The following SYCP1 variants were observed in gnomAD, a reference collection of about 807,000 sequenced individuals.
SYCP1 encodes the protein cancer/testis antigen 8.
Under a neutral mutation model 153.1 loss-of-function variants are expected in SYCP1, and 64 were observed. The ratio of observed to expected loss-of-function variants is 0.42; its 90% CI spans 0.34 to 0.51. The LOEUF is 0.51. Among genes scored for constraint, SYCP1 ranks in the 20% least tolerant of loss-of-function variants. SYCP1 has a pLI of 0.06. For missense variants in SYCP1, 997 were observed against 1,049.0 expected (o/e 0.95, Z 0.68); for synonymous variants, 384 against 341.8 (o/e 1.12, Z -1.36).
intron 2 of SYCP1, 132 bp from the exon 3 acceptor site, chr1:114,856,441 G>A (rs1412392629): frequency 9.6e-6 from 5 of 521,254 alleles, no homozygotes; most frequent in African/African-American, 3.9e-5. Flanking sequence ...TTTAAACACT[G>A]TATGTACATT....
chr1:114,895,609 A>T (rs1471421286), intron 16 of SYCP1, 100 bp downstream of exon 16: 25 of 574,234 alleles, frequency 4.4e-5, no homozygotes, highest in Non-Finnish European at 5.9e-5. Context: ...TTTTATACTA[A>T]TTTTTTCAGC....
At chr1:114,863,923 G>A (rs999999828) in intron 8 of SYCP1, among the ~76,000 whole-genome samples, 3 of 150,416 alleles carry the variant, frequency 2.0e-5, no homozygotes, top group South Asian at 2.1e-4. Flanking sequence ...GTTGAACAAT[G>A]CGAACACATG....
intron 15 of SYCP1, 21 bp downstream of exon 15, chr1:114,887,714 TG>T: frequency 7.1e-7 from 1 of 1,415,896 alleles, no homozygotes; most frequent in Non-Finnish European, 9.5e-7. Context: ...GAGAATAATG[TG>T]TGTACTTTAA....
intron 8 of SYCP1, among the ~76,000 whole-genome samples, chr1:114,862,372 C>T (rs1408405996): frequency 2.7e-5 from 4 of 145,640 alleles, no homozygotes; most frequent in African/African-American, 2.5e-5. Flanking sequence ...TTTTTTTAGA[C>T]GAAGTCTAAC....
intron 20 of SYCP1, among the ~76,000 whole-genome samples, chr1:114,916,083 T>C (rs1476118320): frequency 6.6e-6 from 1 of 152,206 alleles, no homozygotes; most frequent in African/African-American, 2.4e-5. Flanking sequence ...ACCCACTCTA[T>C]ATTTTAAAGA....
chr1:114,947,904 A>G (rs1353746186), intron 27 of SYCP1, among the ~76,000 whole-genome samples: 1 of 145,608 alleles, frequency 6.9e-6, no homozygotes, highest in African/African-American at 2.5e-5. Context: ...TCCTTCTAGC[A>G]TGTTTCCTTT....
chr1:114,970,076 A>T (rs754034674), intron 27 of SYCP1, among the ~76,000 whole-genome samples: 7 of 152,116 alleles, frequency 4.6e-5, no homozygotes, highest in Non-Finnish European at 4.4e-5. Context: ...TGCAGACCAG[A>T]TCTGTTCTAT....
intron 12 of SYCP1, among the ~76,000 whole-genome samples, chr1:114,883,042 C>T (rs1666063103): frequency 6.6e-6 from 1 of 152,194 alleles, no homozygotes; most frequent in Non-Finnish European, 1.5e-5. Context: ...TGCAAATGCC[C>T]TCTGGGCACA....
chr1:114,885,405 T>C, intron 12 of SYCP1, 130 bp from the exon 13 acceptor site: 2 of 538,288 alleles, frequency 3.7e-6, no homozygotes, highest in Non-Finnish European at 6.6e-6. Context: ...TGTGTCTATA[T>C]TTGCATATTT....
chr1:114,873,164 T>C lies in SYCP1; in HGVS notation c.599-1342T>C. On this transcript the variant is annotated intron_variant, in intron 8 of 31. Transcript: ENST00000369522. ...CTTAACTGTATCAGAGTCTGGTTCT[T>C]ATGCTTGTCTTGTCAAAGTGTATTT... Among the ~76,000 whole-genome samples, 3 of 152,330 alleles carry C rather than the reference T, an allele frequency of 2.0e-5. No individual in the cohort carries two copies. The Middle Eastern group carries it at 0.01, about 518-fold the overall frequency.
chr1:114,875,174 A>ATGTGTG (rs60673306), intron 9 of SYCP1, among the ~76,000 whole-genome samples: 20 of 139,646 alleles, frequency 1.4e-4, no homozygotes, highest in Admixed American at 3.6e-4. Context: ...TGTATTTGAT[A>ATGTGTG]TGTGTGTGTG....
intron 23 of SYCP1, among the ~76,000 whole-genome samples, chr1:114,933,985 C>T (rs1048566889): frequency 1.3e-5 from 2 of 152,214 alleles, no homozygotes; most frequent in African/African-American, 4.8e-5. Flanking sequence ...GGAAAACACT[C>T]TGCAGGATAT....
intron 27 of SYCP1, among the ~76,000 whole-genome samples, chr1:114,970,725 T>G (rs1301670436): frequency 6.6e-6 from 1 of 152,078 alleles, no homozygotes; most frequent in Non-Finnish European, 1.5e-5. Flanking sequence ...TTTAGGCTGG[T>G]AGTGGGGAGT....
At chr1:114,985,925 AT>A (rs1349529623) in intron 30 of SYCP1, among the ~76,000 whole-genome samples, 18 of 151,636 alleles carry the variant, frequency 1.2e-4, no homozygotes, top group Admixed American at 4.6e-4. Flanking sequence ...AAAAAAAAAA[AT>A]AAATAACAAT....
chr1:114,983,608 G>A (rs1209416047), intron 29 of SYCP1, among the ~76,000 whole-genome samples: 3 of 151,932 alleles, frequency 2.0e-5, no homozygotes, highest in Non-Finnish European at 4.4e-5. Flanking sequence ...GGCTGCCCCA[G>A]GAACGTGGGC....
intron 30 of SYCP1, among the ~76,000 whole-genome samples, chr1:114,988,080 C>CAAAAAAAAAAAAAAA (rs34553973): frequency 8.7e-6 from 1 of 114,642 alleles, no homozygotes; most frequent in African/African-American, 3.9e-5. Context: ...TGATAAACGG[C>CAAAAAAAAAAAAAAA]AAAAAAAAAA....
At chr1:114,904,379 G>A (rs1017084489) in intron 16 of SYCP1, among the ~76,000 whole-genome samples, 1 of 152,074 alleles carries the variant, frequency 6.6e-6, no homozygotes, top group South Asian at 2.1e-4. Context: ...GCCTCCCAAA[G>A]TGCTGGGATT....
chr1:114,935,536 A>C (rs1669940948), intron 23 of SYCP1, among the ~76,000 whole-genome samples: 1 of 152,224 alleles, frequency 6.6e-6, no homozygotes, highest in African/African-American at 2.4e-5. Flanking sequence ...AGCTAGCAGA[A>C]GGCAAGAAAT....
At chr1:114,854,287 G>A (rs903453637), upstream of SYCP1, among the ~76,000 whole-genome samples, 17 of 151,922 alleles carry the variant, frequency 1.1e-4, no homozygotes, top group African/African-American at 4.1e-4. Context: ...GAGGACACAG[G>A]TGCGCACCAC....
Sources: allele counts gnomAD v4.1 joint callset (sites outside exome capture counted in the v4.1 genomes callset), GRCh38; gene constraint gnomAD v4.1.1; transcripts MANE v1.5; gene names NCBI Gene and HGNC (gene_info 2026-07-23, HGNC 2026-07-21).